Variants in ISM1 observed in about 807,000 individuals in gnomAD.
ISM1 encodes isthmin 1.
Under a neutral mutation model 46.3 loss-of-function variants are expected in ISM1, and 25 were observed. The observed-to-expected ratio is 0.54, with a 90% confidence interval of 0.39 to 0.75. The LOEUF is 0.75. Ranked by LOEUF, ISM1 falls within the 30% of genes least tolerant of loss-of-function variation. The pLI is 0.00. For synonymous variants in ISM1, 255 were observed against 256.7 expected (o/e 0.99, Z 0.06); for missense variants, 536 against 625.4 (o/e 0.86, Z 1.52).
chr20:13,317,813 T>C, the ISM1 span, among the ~76,000 whole-genome samples: 3 of 152,152 alleles, frequency 2.0e-5, no homozygotes, highest in African/African-American at 7.2e-5. Flanking sequence ...TAGACCTAAA[T>C]GTGAAACATA....
At chr20:13,306,438 G>A in the ISM1 span, among the ~76,000 whole-genome samples, 2 of 151,782 alleles carry the variant, frequency 1.3e-5, no homozygotes, top group Non-Finnish European at 1.5e-5. Context: ...TTAGACATGC[G>A]GTTTTGCTTT....
rs2040448579 is a variant in ISM1 at position 13,300,452 on chromosome 20, T to A, written c.*993T>A. On this transcript the variant is annotated 3_prime_UTR_variant, in exon 6 of 6. Coordinates refer to ENST00000262487, the MANE Select transcript of ISM1 (RefSeq NM_080826.2). ...CAATCTGGGGAATCTTAGTTTTTTA[T>A]GTTTTAAGAAAACAAAAAAAACTGC... 3 of 152,200 alleles carry A rather than the reference T, an allele frequency of 2.0e-5. No homozygotes were observed. In the South Asian group the frequency reaches 6.2e-4, roughly 32 times the overall value. The allele number at this position is 152,200 out of a possible 1,614,324, so 9.4% of individuals were successfully genotyped here.
chr20:13,238,920 C>G (rs576829533), intron 1 of ISM1: 1 of 152,244 alleles, frequency 6.6e-6, no homozygotes, highest in Non-Finnish European at 1.5e-5. Context: ...TGGAAAAAGG[C>G]TAACAACTCA....
chr20:13,238,147 G>A (rs1050971828), intron 1 of ISM1: 1 of 152,184 alleles, frequency 6.6e-6, no homozygotes, highest in African/African-American at 2.4e-5. Context: ...TGAGAGCACT[G>A]TGAGGTGGAC....
At chr20:13,273,883 G>T (rs936801308) in intron 2 of ISM1, among the ~76,000 whole-genome samples, 14 of 152,148 alleles carry the variant, frequency 9.2e-5, no homozygotes, top group African/African-American at 3.4e-4. Context: ...AGGGTGGCCA[G>T]CATTTTATTG....
chr20:13,294,976 C>T (rs2040392561), intron 5 of ISM1, among the ~76,000 whole-genome samples: 1 of 152,148 alleles, frequency 6.6e-6, no homozygotes, highest in East Asian at 1.9e-4. Context: ...TTCGCCAGGC[C>T]TTTCTGAGTT....
chr20:13,314,814 T>A, the ISM1 span, among the ~76,000 whole-genome samples: 2 of 152,112 alleles, frequency 1.3e-5, no homozygotes, highest in African/African-American at 4.8e-5. Context: ...ATTATGCACA[T>A]ATCTATATCT....
chr20:13,227,803 C>T (rs4813119), intron 1 of ISM1, among the ~76,000 whole-genome samples: 24,113 of 151,620 alleles, frequency 0.16, 2,039 homozygotes, highest in African/African-American at 0.22. Context: ...CCACCGCGCC[C>T]GGCCCCAACT....
chr20:13,296,065 C>T (rs1303181601), intron 5 of ISM1, among the ~76,000 whole-genome samples: 4 of 152,152 alleles, frequency 2.6e-5, no homozygotes, highest in Admixed American at 1.3e-4. Context: ...TTTGCCTTTG[C>T]CTCCCTTAAT....
At chr20:13,265,614 T>C (rs1403480747) in intron 1 of ISM1, among the ~76,000 whole-genome samples, 2 of 152,170 alleles carry the variant, frequency 1.3e-5, no homozygotes, top group Admixed American at 1.3e-4. Context: ...CTGCACTCAA[T>C]CCATTTGTCC....
At chr20:13,279,374 A>C (rs2040213432) in intron 2 of ISM1, among the ~76,000 whole-genome samples, 1 of 152,088 alleles carries the variant, frequency 6.6e-6, no homozygotes, top group Non-Finnish European at 1.5e-5. Flanking sequence ...TCCAGCTATT[A>C]AGTTTTTAGT....
chr20:13,283,883 G>A (rs542403874), intron 3 of ISM1, among the ~76,000 whole-genome samples: 1 of 152,194 alleles, frequency 6.6e-6, no homozygotes, highest in South Asian at 2.1e-4. Flanking sequence ...CCTTTATAAT[G>A]TTTAATTATG....
At chr20:13,289,330 A>G (rs1200720050) in intron 4 of ISM1, among the ~76,000 whole-genome samples, 1 of 152,216 alleles carries the variant, frequency 6.6e-6, no homozygotes, top group Non-Finnish European at 1.5e-5. Flanking sequence ...GAGGCTTGAC[A>G]ACCATCTGCA....
chr20:13,311,274 T>TAGAC, the ISM1 span, among the ~76,000 whole-genome samples: 1 of 151,478 alleles, frequency 6.6e-6, no homozygotes, highest in Non-Finnish European at 1.5e-5. Flanking sequence ...GATAGATAGA[T>TAGAC]AGATAGATAA....
chr20:13,262,970 C>A (rs1055667285), intron 1 of ISM1, among the ~76,000 whole-genome samples: 1 of 152,168 alleles, frequency 6.6e-6, no homozygotes, highest in African/African-American at 2.4e-5. Flanking sequence ...ACCGTGACAG[C>A]AGGCTCCATT....
chr20:13,276,008 G>T (rs187948660), intron 2 of ISM1, among the ~76,000 whole-genome samples: 14 of 152,306 alleles, frequency 9.2e-5, no homozygotes, highest in African/African-American at 3.4e-4. Flanking sequence ...TGCCACCCTT[G>T]TTCTTAGAGC....
chr20:13,295,120 G>C (rs2040394338), intron 5 of ISM1, among the ~76,000 whole-genome samples: 1 of 152,150 alleles, frequency 6.6e-6, no homozygotes, highest in South Asian at 2.1e-4. Context: ...CTGGGTCAGA[G>C]CTGGAGTCAC....
At chr20:13,227,485 G>T (rs2039539017) in intron 1 of ISM1, among the ~76,000 whole-genome samples, 1 of 145,398 alleles carries the variant, frequency 6.9e-6, no homozygotes, top group South Asian at 2.2e-4. Context: ...TTACAGGTGT[G>T]AGCCACCATG....
chr20:13,258,788 C>T (rs1352781156), intron 1 of ISM1, among the ~76,000 whole-genome samples: 2 of 152,096 alleles, frequency 1.3e-5, no homozygotes, highest in East Asian at 3.9e-4. Context: ...CCTTCTGGTG[C>T]ATGGCCTTCT....
Sources: allele counts gnomAD v4.1 joint callset (sites outside exome capture counted in the v4.1 genomes callset), GRCh38; gene constraint gnomAD v4.1.1; transcripts MANE v1.5; gene names NCBI Gene and HGNC (gene_info 2026-07-23, HGNC 2026-07-21).